The following QSOX2 variants were observed in gnomAD, a reference collection of about 807,000 sequenced individuals.
The protein encoded by QSOX2 is sulfhydryl oxidase 2.
A neutral mutation model predicts 61.7 loss-of-function variants in QSOX2; 46 were observed. That is an observed-to-expected ratio of 0.75 (90% CI 0.59 to 0.95). The LOEUF (loss-of-function observed/expected upper bound fraction) is 0.95. Among genes scored for constraint, QSOX2 ranks in the 40% least tolerant of loss-of-function variants. QSOX2 has a pLI of 0.00. For missense variants in QSOX2, 879 were observed against 918.9 expected, an observed-to-expected ratio of 0.96 and a Z score of 0.56; for synonymous variants, 383 against 388.4, an observed-to-expected ratio of 0.99 and a Z score of 0.16.
At chr9:136,240,625 A>C (rs2031384394) in intron 1 of QSOX2, among the ~76,000 whole-genome samples, 1 of 152,180 alleles carries the variant, frequency 6.6e-6, no homozygotes, top group African/African-American at 2.4e-5. Context: ...ACAAGTTTGG[A>C]ATAACAGGCC....
intron 8 of QSOX2, 58 bp from the exon 9 acceptor site, chr9:136,216,780 C>G (rs536882149): frequency 3.9e-5 from 63 of 1,597,724 alleles, no homozygotes; most frequent in Non-Finnish European, 5.1e-5. Context: ...CCGCCCCCAC[C>G]GCGGGGGGCA....
intron 11 of QSOX2, chr9:136,210,277 CAGGCTGGAGGTG>C: frequency 1.0e-6 from 1 of 985,486 alleles, no homozygotes; most frequent in Non-Finnish European, 1.2e-6. Flanking sequence ...TCTCAATGCA[CAGGCTGGAGGTG>C]GGACTGGAGT....
chr9:136,223,844 A>G lies in QSOX2; in HGVS notation c.594T>C (p.Asp198=), dbSNP rs1294130974. Residue 198 remains aspartate, a synonymous_variant, in exon 5 of 12, where the codon GAT becomes GAC. Transcript: ENST00000358701. The surrounding 1 kb of genome is among the most constrained non-coding windows in gnomAD (Gnocchi z 4.4). ...CACGGTTGTCAAGAAGGGAAAGAAC[A>G]TCACTGGGCCTTTCAAGAGGAAAAA... The part of the protein sequence containing the change: ...CPRLDPIQPS[D]VLSLLDNRGS... 2 of 1,614,050 alleles carry G rather than the reference A, an allele frequency of 1.2e-6. No individual in the cohort carries two copies. The highest frequency in any genetic ancestry group is 1.7e-5 in the Admixed American group (1 of 60,020).
chr9:136,236,221 A>T (rs12339147), intron 1 of QSOX2, among the ~76,000 whole-genome samples: 1 of 152,326 alleles, frequency 6.6e-6, no homozygotes, highest in African/African-American at 2.4e-5. Context: ...CCAGGTAGAC[A>T]GCTCTCCTCC....
In QSOX2 at chr9:136,221,710, C is replaced by T; in HGVS notation, c.821+86G>A. 1.4e-6 allele frequency: 2 copies of T among 1,417,740 alleles called. No individual in the cohort carries two copies. The highest frequency in any genetic ancestry group is 1.9e-6 in the Non-Finnish European group (2 of 1,065,620). The allele number at this position is 1,417,740 out of a possible 1,614,324, so 87.8% of individuals were successfully genotyped here. ...GGAGGGGCCAGGGCTCCCCCGATCT[C>T]ACACCAGACTTGCACTGTCTACTCG... On this transcript the variant is annotated intron_variant, in intron 6 of 11. Coordinates refer to ENST00000358701, the MANE Select transcript of QSOX2 (RefSeq NM_181701.4). This position sits in a 1 kb window ranked among gnomAD's most constrained non-coding sequence, Gnocchi z 4.5.
At position 136,211,427 on chromosome 9, in the gene QSOX2, C is replaced by T; in HGVS notation, c.1386G>A (p.Val462=). The change falls in exon 11 of 12, where the codon GTG becomes GTA. Residue 462 remains valine, a synonymous_variant. Transcript: ENST00000358701. ...GTGFEDDPQA[V]LQTMRRYVHT... ...GAACGTACCTCCTCATTGTCTGCAG[C>T]ACAGCCTGGGGGTCGTCTTCAAAGC... 2 of 1,614,140 alleles carry T rather than the reference C, an allele frequency of 1.2e-6. No individual in the cohort carries two copies. The highest frequency in any genetic ancestry group is 1.7e-6 in the Non-Finnish European group (2 of 1,180,006).
In QSOX2 at chr9:136,209,001, G is replaced by A. The variant is rs778510247; in HGVS notation, c.1824C>T (p.Ser608=). Reference sequence around the variant, plus strand: ...GGCCCAGTGCACCAGGTGGACGGACGCTCTGGGTGTCTCGGTCTCCATGGG... The same window carrying A: ...GGCCCAGTGCACCAGGTGGACGGACACTCTGGGTGTCTCGGTCTCCATGGG... The part of the protein sequence containing the change: ...EVSHGDRDTQ[S]VRPPGALGPR... Residue 608 remains serine (S), a synonymous_variant, in exon 12 of 12, where the codon AGC becomes AGT. Coordinates refer to ENST00000358701, the MANE Select transcript of QSOX2 (RefSeq NM_181701.4). The surrounding 1 kb of genome is among the most constrained non-coding windows in gnomAD (Gnocchi z 5.6). The A allele has an allele frequency of 5.6e-6, 9 of 1,613,730 alleles. No homozygotes were observed. Among genetic ancestry groups the A allele is most frequent in the African/African-American group, 2.7e-5 (2 of 74,932 alleles).
chr9:136,229,135 G>A (rs897466346), intron 1 of QSOX2, among the ~76,000 whole-genome samples: 1 of 152,154 alleles, frequency 6.6e-6, no homozygotes, highest in Non-Finnish European at 1.5e-5. Flanking sequence ...ACCAAATACC[G>A]TTCCCGCTTA....
rs763997865 is a variant in QSOX2, at chr9:136,224,913, A to G, written c.430-4T>C. The G allele has an allele frequency of 6.2e-7, 1 of 1,603,738 alleles. No individual in the cohort carries two copies. The highest frequency in any genetic ancestry group is 1.1e-5 in the South Asian group (1 of 89,490). ...CCTTTGTAAATGCTTTAAAATACTA[A>G]GAGGAAAAACACAGAACAAGTAAGA... is the stretch of plus-strand genomic sequence containing the variant. On this transcript the variant is annotated splice_polypyrimidine_tract_variant and splice_region_variant and intron_variant, in intron 2 of 11. Coordinates refer to ENST00000358701, the MANE Select transcript of QSOX2 (RefSeq NM_181701.4).
At position 136,221,760 on chromosome 9, in the gene QSOX2, C is replaced by T. The variant is rs369297011; in HGVS notation, c.821+36G>A. 5.1e-6 allele frequency: 8 copies of T among 1,553,836 alleles called. No individual in the cohort carries two copies. The highest frequency in any genetic ancestry group is 2.7e-5 in the African/African-American group (2 of 73,228). On this transcript the variant is annotated intron_variant, in intron 6 of 11. Transcript: ENST00000358701. The surrounding 1 kb of genome is among the most constrained non-coding windows in gnomAD (Gnocchi z 4.5). Reference sequence around the variant, plus strand: ...GGAGCCTCTGTCCGGTAACTCCGAGCGGCACGGAGTTCCCAGACCCCACCC... The same window carrying T: ...GGAGCCTCTGTCCGGTAACTCCGAGTGGCACGGAGTTCCCAGACCCCACCC...
chr9:136,215,462 C>T (rs924559666), intron 9 of QSOX2, among the ~76,000 whole-genome samples, 158 bp from the exon 10 acceptor site: 1 of 152,110 alleles, frequency 6.6e-6, no homozygotes, highest in Non-Finnish European at 1.5e-5. Context: ...TGCCTCCTAC[C>T]ATATGCAAAT....
intron 1 of QSOX2, among the ~76,000 whole-genome samples, chr9:136,230,272 T>C (rs1478182975): frequency 6.6e-6 from 1 of 152,180 alleles, no homozygotes; most frequent in Non-Finnish European, 1.5e-5. Flanking sequence ...AGCGAGACTC[T>C]ATCTCAAAAA....
chr9:136,218,527 G>T, intron 8 of QSOX2, 152 bp downstream of exon 8: 1 of 912,080 alleles, frequency 1.1e-6, no homozygotes, highest in Non-Finnish European at 1.6e-6. Flanking sequence ...GAAATGGGTG[G>T]AATGAGTTGG....
At chr9:136,211,028 C>T (rs953516194) in intron 11 of QSOX2, 2 of 549,994 alleles carry the variant, frequency 3.6e-6, no homozygotes, top group African/African-American at 2.1e-5. Context: ...TCCACGGGGT[C>T]GAAGAGCCCC....
chr9:136,220,630 G>A (rs979156950), intron 6 of QSOX2, among the ~76,000 whole-genome samples: 1 of 152,106 alleles, frequency 6.6e-6, no homozygotes, highest in South Asian at 2.1e-4. Context: ...TTCTCCTCAC[G>A]CTGTCCTTCT....
chr9:136,210,396 C>T, intron 11 of QSOX2: 1 of 985,430 alleles, frequency 1.0e-6, no homozygotes, highest in Non-Finnish European at 1.2e-6. Flanking sequence ...GCTGGGGCCA[C>T]AGGTAGCAGC....
intron 1 of QSOX2, among the ~76,000 whole-genome samples, chr9:136,229,911 G>A (rs1830315254): frequency 1.3e-5 from 2 of 152,210 alleles, no homozygotes; most frequent in African/African-American, 2.4e-5. Flanking sequence ...CACAGCGACC[G>A]TGGAACTCTC....
chr9:136,243,052 C>T (rs966721953), intron 1 of QSOX2, among the ~76,000 whole-genome samples: 3 of 152,170 alleles, frequency 2.0e-5, no homozygotes, highest in Admixed American at 1.3e-4. Context: ...AGCTGACCAG[C>T]GTGATGAAAC....
chr9:136,216,819 C>T lies in QSOX2; in HGVS notation c.1087-97G>A, dbSNP rs966791940. ...CACCTCCAAAGAGAAGCACTCCATC[C>T]GCAGAGGGGCTGAACCTAGGATGGG... On this transcript the variant is annotated intron_variant, in intron 8 of 11. Coordinates refer to ENST00000358701, the MANE Select transcript of QSOX2 (RefSeq NM_181701.4). 21 of 1,463,958 alleles carry T rather than the reference C, an allele frequency of 1.4e-5. No individual in the cohort carries two copies. In the Admixed American group the frequency reaches 2.0e-4, roughly 14 times the overall value. 90.7% of individuals were successfully genotyped at this position (1,463,958 alleles called of 1,614,324 possible).
Sources: gnomAD v4.1 joint callset for allele counts (sites outside exome capture counted in the v4.1 genomes callset) on GRCh38, gnomAD v4.1.1 for gene constraint, Gnocchi (gnomAD v3.1) non-coding constraint, MANE v1.5 for transcripts, NCBI Gene and HGNC (gene_info 2026-07-23, HGNC 2026-07-21) for gene names.